CDH2: variants seen among roughly 807,000 people sequenced by gnomAD.
CDH2 encodes cadherin 2, also known as cadherin-2.
Under a neutral mutation model 92.0 loss-of-function variants are expected in CDH2, and 17 were observed. That is an observed-to-expected ratio of 0.18 (90% confidence interval 0.13 to 0.28). CDH2 has a LOEUF of 0.28. Ranked by LOEUF, CDH2 falls within the 10% of genes least tolerant of loss-of-function variation. CDH2 has a pLI of 1.00. For missense variants in CDH2, 862 were observed against 1,133.1 expected, an observed-to-expected ratio of 0.76 and a Z score of 3.44; for synonymous variants, 419 against 415.9, an observed-to-expected ratio of 1.01 and a Z score of -0.09.
chr18:27,946,461 C>T (rs929926434), downstream of CDH2, among the ~76,000 whole-genome samples: 2 of 151,942 alleles, frequency 1.3e-5, no homozygotes, highest in Admixed American at 6.6e-5. Context: ...AGAGACTTTT[C>T]AGGAAAATGT....
intron 2 of CDH2, chr18:28,146,181 A>G (rs904775971): frequency 6.6e-6 from 1 of 152,160 alleles, no homozygotes; most frequent in Non-Finnish European, 1.5e-5. Flanking sequence ...ATAAGCTTTT[A>G]GAAAATGAAA....
In CDH2 at chr18:28,116,577, T is replaced by C. The variant is rs537058979; in HGVS notation, c.172+31096A>G. Among the ~76,000 whole-genome samples, 12 of 152,278 alleles carry C rather than the reference T, an allele frequency of 7.9e-5. No individual in the cohort carries two copies. The South Asian group carries it at 1.5e-3, about 18-fold the overall frequency. The stretch of plus-strand genomic sequence containing the variant: ...ATTTTCAGTGGAGAGTGAATGACCA[T>C]GGATGTGCCTATTTTAGAAACAACT... On this transcript the variant is annotated intron_variant, in intron 2 of 15. Transcript: ENST00000269141.
chr18:28,043,055 TA>T (rs1173619694), intron 2 of CDH2, among the ~76,000 whole-genome samples: 2 of 152,160 alleles, frequency 1.3e-5, no homozygotes, highest in Non-Finnish European at 1.5e-5. Flanking sequence ...AGCATATAGT[TA>T]AAAAGAAATC....
intron 2 of CDH2, among the ~76,000 whole-genome samples, chr18:28,120,260 G>A (rs934600657): frequency 6.6e-6 from 1 of 151,838 alleles, no homozygotes; most frequent in South Asian, 2.1e-4. Context: ...CATAATGTGT[G>A]TCATATATAT....
chr18:27,995,959 T>C (rs1276522900), intron 7 of CDH2, among the ~76,000 whole-genome samples: 2 of 152,218 alleles, frequency 1.3e-5, no homozygotes, highest in African/African-American at 2.4e-5. Flanking sequence ...ATTTGGTCAT[T>C]GGGCATCTGG....
intron 2 of CDH2, among the ~76,000 whole-genome samples, chr18:28,021,829 T>C (rs753726999): frequency 1.3e-5 from 2 of 152,058 alleles, no homozygotes; most frequent in Non-Finnish European, 2.9e-5. Context: ...GAAACAATTA[T>C]ATGAGAACAC....
intron 2 of CDH2, among the ~76,000 whole-genome samples, chr18:28,014,730 T>TA (rs146691353): frequency 2.2e-4 from 33 of 147,428 alleles, no homozygotes; most frequent in Admixed American, 3.4e-4. Context: ...ACTTCACACT[T>TA]AAAAAAAAAA....
chr18:28,070,386 G>C (rs1469484801), intron 2 of CDH2, among the ~76,000 whole-genome samples: 2 of 152,152 alleles, frequency 1.3e-5, no homozygotes, highest in Non-Finnish European at 2.9e-5. Context: ...TAAAGCTTGA[G>C]AAAGTAGTTG....
chr18:28,055,872 G>A (rs1244947183), intron 2 of CDH2, among the ~76,000 whole-genome samples: 1 of 152,084 alleles, frequency 6.6e-6, no homozygotes, highest in East Asian at 1.9e-4. Context: ...TCTGAAATGT[G>A]TATACAGAAA....
At chr18:27,934,395 A>G (rs1908972889) in intron 6 of CDH2, among the ~76,000 whole-genome samples, 1 of 152,160 alleles carries the variant, frequency 6.6e-6, no homozygotes, top group Admixed American at 6.6e-5. Context: ...TGAAGGTTCC[A>G]TTACTGCAAG....
At chr18:27,978,675 GT>G (rs753511353) in intron 14 of CDH2, among the ~76,000 whole-genome samples, 2 of 151,732 alleles carry the variant, frequency 1.3e-5, no homozygotes, top group Non-Finnish European at 2.9e-5. Context: ...ATTTTTCTGA[GT>G]CAGGGTCTCT....
In CDH2 at chr18:27,993,575, G is replaced by A. The variant is rs202232735; in HGVS notation, c.1083C>T (p.Gly361=). The change falls in exon 8 of 16, where the codon GGC becomes GGT. Residue 361 remains glycine (G), a synonymous_variant. Transcript: ENST00000269141. ...ATDMEGNPTY[G]LSNTATAVIT... ...TGACGGCCGTGGCTGTGTTTGAAAG[G>A]CCATATGTGGGATTGCCTTCCATGT... 1.9e-6 allele frequency: 3 copies of A among 1,613,688 alleles called. No homozygotes were observed. Among genetic ancestry groups the A allele is most frequent in the Non-Finnish European group, 2.5e-6 (3 of 1,179,700 alleles).
In CDH2 at chr18:28,003,183, A is replaced by G. The variant is rs569746538; in HGVS notation, c.848-14T>C. The stretch of plus-strand genomic sequence containing the variant: ...TCACATATGTTCCTAGAGACAGTGT[A>G]CATGGAAAATGAATGGTTACCCTTC... On this transcript the variant is annotated splice_polypyrimidine_tract_variant and intron_variant, in intron 6 of 15. Transcript: ENST00000269141. 6.3e-7 allele frequency: 1 copy of G among 1,599,706 alleles called. No homozygotes were observed. The highest frequency in any genetic ancestry group is 1.1e-5 in the South Asian group (1 of 90,362).
rs918104707 is a variant in CDH2, at chr18:28,114,795, T to C, written c.172+32878A>G. 2.0e-5 allele frequency among the ~76,000 whole-genome samples: 3 copies of C among 151,922 alleles called. No homozygotes were observed. In the East Asian group the frequency reaches 5.8e-4, roughly 29 times the overall value. On this transcript the variant is annotated intron_variant, in intron 2 of 15. Transcript: ENST00000269141. ...ATCTGTTATTAATATGCCATGACCT[T>C]AGGCACACTACAACCTTAGACTCAA...
At chr18:28,098,446 TC>T (rs1411786369) in intron 2 of CDH2, among the ~76,000 whole-genome samples, 2 of 152,190 alleles carry the variant, frequency 1.3e-5, no homozygotes, top group Non-Finnish European at 2.9e-5. Context: ...AAGATTTTCA[TC>T]AACTGATCAA....
At chr18:28,047,032 AC>A (rs777012930) in intron 2 of CDH2, among the ~76,000 whole-genome samples, 1 of 152,144 alleles carries the variant, frequency 6.6e-6, no homozygotes, top group Non-Finnish European at 1.5e-5. Context: ...TGTGCTGAAA[AC>A]CAAATGGATG....
chr18:28,114,407 T>C (rs1306661477), intron 2 of CDH2, among the ~76,000 whole-genome samples: 4 of 152,228 alleles, frequency 2.6e-5, no homozygotes, highest in Admixed American at 2.6e-4. Flanking sequence ...CAAGCCTCTA[T>C]GCACACAGTA....
chr18:27,979,991 C>T (rs1395433636), intron 14 of CDH2, among the ~76,000 whole-genome samples: 1 of 152,142 alleles, frequency 6.6e-6, no homozygotes, highest in Non-Finnish European at 1.5e-5. Flanking sequence ...CCAATCAAAG[C>T]TTTTTGAAAC....
intron 2 of CDH2, among the ~76,000 whole-genome samples, chr18:28,093,187 A>G (rs1189275088): frequency 6.6e-6 from 1 of 152,222 alleles, no homozygotes; most frequent in East Asian, 1.9e-4. Context: ...CCAAGAAAAA[A>G]ATCATATATA....
Sources: allele counts gnomAD v4.1 joint callset (sites outside exome capture counted in the v4.1 genomes callset), GRCh38; gene constraint gnomAD v4.1.1; transcripts MANE v1.5; gene names NCBI Gene and HGNC (gene_info 2026-07-23, HGNC 2026-07-21).